Variants in NCR1 observed in about 807,000 individuals in gnomAD.
NCR1 encodes the protein natural cytotoxicity triggering receptor 1.
A neutral mutation model predicts 32.5 loss-of-function variants in NCR1; 30 were observed. That is an observed-to-expected ratio of 0.92 (90% CI 0.69 to 1.25). The LOEUF is 1.25. NCR1 is among the 50% of genes most tolerant of loss of function. NCR1 has a pLI of 0.00. For synonymous variants in NCR1, 169 were observed against 143.4 expected (o/e 1.18, Z -1.28); for missense variants, 369 against 380.7 (o/e 0.97, Z 0.26).
At chr19:54,904,973 T>C (rs1276753707), upstream of NCR1, among the ~76,000 whole-genome samples, 1 of 152,254 alleles carries the variant, frequency 6.6e-6, no homozygotes, top group African/African-American at 2.4e-5. Flanking sequence ...ATTGTCTTTA[T>C]CCAGTCCACC....
chr19:54,933,696 C>T, the NCR1 span: 1 of 1,614,190 alleles, frequency 6.2e-7, no homozygotes, highest in Admixed American at 1.7e-5. Flanking sequence ...AAGACAGCAG[C>T]AAGGTCCTTG....
In NCR1 at chr19:54,909,470, A is replaced by G. The variant is rs1440038903; in HGVS notation, c.581A>G (p.Tyr194Cys). 6.2e-7 allele frequency: 1 copy of G among 1,611,186 alleles called. No homozygotes were observed. Among genetic ancestry groups the G allele is most frequent in the Non-Finnish European group, 8.5e-7 (1 of 1,180,008 alleles). The change falls in exon 4 of 7, where the codon TAT becomes TGT. Residue 194 changes from tyrosine to cysteine, a missense_variant. Transcript: ENST00000291890. ...GGGACATACCGATGTTTTGGCTCCT[A>G]TAACAACCATGCCTGGTCTTTCCCC... The part of the protein sequence containing the change: ...HRGTYRCFGS[Y>C]NNHAWSFPSE...
At chr19:54,938,169 G>A in the NCR1 span, 4 of 1,614,050 alleles carry the variant, frequency 2.5e-6, no homozygotes, top group Non-Finnish European at 2.5e-6. Context: ...TGAAGAGAGA[G>A]CAGAAATCTG....
At chr19:54,904,749 C>T (rs973701554), upstream of NCR1, among the ~76,000 whole-genome samples, 1 of 152,048 alleles carries the variant, frequency 6.6e-6, no homozygotes, top group African/African-American at 2.4e-5. Flanking sequence ...TCAGGCTGGT[C>T]TCGAACTCCC....
chr19:54,917,155 A>G (rs917332188), downstream of NCR1, among the ~76,000 whole-genome samples: 4 of 151,682 alleles, frequency 2.6e-5, 1 homozygote, highest in South Asian at 6.3e-4. Flanking sequence ...TGACGGTTAC[A>G]GTACCAACAG....
chr19:54,922,774 G>A, the NCR1 span, among the ~76,000 whole-genome samples: 2 of 84,722 alleles, frequency 2.4e-5, no homozygotes, highest in East Asian at 4.4e-4. Context: ...GTGAAACTCC[G>A]TCTCAAAAAA....
downstream of NCR1, among the ~76,000 whole-genome samples, chr19:54,918,362 G>A (rs908522798): frequency 8.6e-5 from 13 of 151,964 alleles, no homozygotes; most frequent in Non-Finnish European, 1.3e-4. Flanking sequence ...TCCGCCTCCC[G>A]GGTTCAAGCG....
At position 54,909,999 on chromosome 19, in the gene NCR1, T is replaced by C. The variant is rs752145165; in HGVS notation, c.635-19T>C. 1.2e-6 allele frequency: 2 copies of C among 1,609,556 alleles called. No individual in the cohort carries two copies. The highest frequency in any genetic ancestry group is 2.2e-5 in the East Asian group (1 of 44,842). ...GAAACCAAAAACCCTTACTTTTTTTTCTTTATCTCCTTTTCCAGGCGACAT... is the reference window on the plus strand; with the variant it reads ...GAAACCAAAAACCCTTACTTTTTTTCCTTTATCTCCTTTTCCAGGCGACAT... On this transcript the variant is annotated intron_variant, in intron 4 of 6. Transcript: ENST00000291890.
chr19:54,930,792 T>C, the NCR1 span: 2 of 784,662 alleles, frequency 2.5e-6, no homozygotes, highest in East Asian at 2.6e-5. Flanking sequence ...CTTGGCTCAC[T>C]GCAACCTCTG....
At chr19:54,925,725 G>A in the NCR1 span, among the ~76,000 whole-genome samples, 8 of 152,086 alleles carry the variant, frequency 5.3e-5, no homozygotes, top group Non-Finnish European at 7.4e-5. Flanking sequence ...GAGGCCGGGC[G>A]CGGTGGCTCA....
the NCR1 span, among the ~76,000 whole-genome samples, chr19:54,934,853 G>A: frequency 6.6e-6 from 1 of 152,026 alleles, no homozygotes; most frequent in Non-Finnish European, 1.5e-5. This position sits in a 1 kb window ranked among gnomAD's most constrained non-coding sequence, Gnocchi z 6.7. Flanking sequence ...GGGATTACAG[G>A]CATTCGCCAA....
chr19:54,899,131 G>A, the NCR1 span, among the ~76,000 whole-genome samples: 1 of 152,170 alleles, frequency 6.6e-6, no homozygotes, highest in Non-Finnish European at 1.5e-5. Context: ...ATGTGTAAAA[G>A]AATGCCTGGA....
At chr19:54,911,041 G>T (rs943587835) in intron 5 of NCR1, among the ~76,000 whole-genome samples, 2 of 152,012 alleles carry the variant, frequency 1.3e-5, no homozygotes, top group African/African-American at 4.8e-5. Flanking sequence ...GGCCTGGGGC[G>T]CACGGCTAGG....
chr19:54,934,349 G>A, the NCR1 span: 3 of 854,622 alleles, frequency 3.5e-6, no homozygotes, highest in African/African-American at 1.7e-5. The surrounding 1 kb of genome is among the most constrained non-coding windows in gnomAD (Gnocchi z 6.7). Flanking sequence ...TTACAGGCAG[G>A]AGCCACCGTG....
chr19:54,927,494 T>G, the NCR1 span: 4 of 1,007,370 alleles, frequency 4.0e-6, no homozygotes, highest in Admixed American at 5.6e-5. Context: ...AGGCAGAGGT[T>G]GCGGTGAGCC....
chr19:54,909,123 T>C, intron 3 of NCR1, 122 bp from the exon 4 acceptor site: 2 of 942,152 alleles, frequency 2.1e-6, no homozygotes, highest in Non-Finnish European at 3.1e-6. Flanking sequence ...TGAGCCAAGA[T>C]CGTGTCACTG....
chr19:54,904,281 T>C (rs1208201505), upstream of NCR1, among the ~76,000 whole-genome samples: 1 of 152,044 alleles, frequency 6.6e-6, no homozygotes, highest in East Asian at 1.9e-4. Flanking sequence ...TCCATTCTGA[T>C]GAAACCAATT....
At chr19:54,923,166 G>A in the NCR1 span, among the ~76,000 whole-genome samples, 3,461 of 152,280 alleles carry the variant, frequency 0.023, 113 homozygotes, top group African/African-American at 0.077. Context: ...GGAAGCCTCC[G>A]CAGGTGCCAG....
the NCR1 span, chr19:54,936,113 G>A: frequency 1.4e-6 from 1 of 720,768 alleles, no homozygotes; most frequent in Non-Finnish European, 2.5e-6. Context: ...GGAAAGAGGA[G>A]AGGCCGACTC....
Sources: gnomAD v4.1 joint callset for allele counts (sites outside exome capture counted in the v4.1 genomes callset) on GRCh38, gnomAD v4.1.1 for gene constraint, Gnocchi (gnomAD v3.1) non-coding constraint, MANE v1.5 for transcripts, NCBI Gene and HGNC (gene_info 2026-07-23, HGNC 2026-07-21) for gene names.